The following RABEP1 variants were observed in gnomAD, a reference collection of about 807,000 sequenced individuals.
The protein encoded by RABEP1 is rabaptin, RAB GTPase binding effector protein 1.
Under a neutral mutation model 123.4 loss-of-function variants are expected in RABEP1, and 51 were observed. The ratio of observed to expected loss-of-function variants is 0.41; its 90% CI spans 0.33 to 0.52. The LOEUF (loss-of-function observed/expected upper bound fraction) is 0.52, where lower values mean the gene tolerates loss of function less well. Among genes scored for constraint, RABEP1 ranks in the 20% least tolerant of loss-of-function variants. The probability of loss-of-function intolerance (pLI) is 0.16; values close to 1 mark genes in which losing one functional copy is unlikely to be tolerated. For synonymous variants in RABEP1, 347 were observed against 355.2 expected, an observed-to-expected ratio of 0.98 and a Z score of 0.26; for missense variants, 888 against 996.3, an observed-to-expected ratio of 0.89 and a Z score of 1.46.
intron 1 of RABEP1, among the ~76,000 whole-genome samples, chr17:5,299,937 C>G (rs982229914): frequency 6.6e-6 from 1 of 151,588 alleles, no homozygotes; most frequent in Non-Finnish European, 1.5e-5. Context: ...ACCATGTGTG[C>G]CAGGATGCTC....
intron 2 of RABEP1, among the ~76,000 whole-genome samples, chr17:5,315,619 G>A (rs2075287534): frequency 6.6e-6 from 1 of 152,236 alleles, no homozygotes; most frequent in Admixed American, 6.5e-5. Context: ...GGGAGGCTGA[G>A]GCGGGTGGAT....
intron 8 of RABEP1, among the ~76,000 whole-genome samples, chr17:5,355,393 T>C (rs1908927564): frequency 6.6e-6 from 1 of 152,208 alleles, no homozygotes; most frequent in Admixed American, 6.5e-5. Flanking sequence ...AAGGAACTGC[T>C]TCTCTTATTG....
intron 1 of RABEP1, among the ~76,000 whole-genome samples, chr17:5,286,541 A>G (rs2074979879): frequency 6.6e-6 from 1 of 152,194 alleles, no homozygotes; most frequent in Non-Finnish European, 1.5e-5. Context: ...TTGTGTGCCT[A>G]TTCTATGCCG....
chr17:5,285,297 C>CTTTTTTTTTTT (rs1177991770), intron 1 of RABEP1, among the ~76,000 whole-genome samples: 2 of 139,730 alleles, frequency 1.4e-5, no homozygotes, highest in Non-Finnish European at 1.6e-5. Flanking sequence ...CACTTTTTTT[C>CTTTTTTTTTTT]TTTTTTTTTT....
chr17:5,373,793 C>G (rs1910744351), intron 13 of RABEP1, among the ~76,000 whole-genome samples: 1 of 151,920 alleles, frequency 6.6e-6, no homozygotes, highest in African/African-American at 2.4e-5. Flanking sequence ...CCTCCCCTAG[C>G]CTTAAGCAAC....
At chr17:5,329,818 C>CATATATATAT (rs61446536) in intron 2 of RABEP1, among the ~76,000 whole-genome samples, 2,913 of 142,910 alleles carry the variant, frequency 0.02, 48 homozygotes, top group Non-Finnish European at 0.032. Flanking sequence ...TATATATGTT[C>CATATATATAT]ATATATATAT....
chr17:5,296,680 T>C (rs1266378468), intron 1 of RABEP1, among the ~76,000 whole-genome samples: 4 of 152,230 alleles, frequency 2.6e-5, no homozygotes, highest in Admixed American at 2.6e-4. Flanking sequence ...AGAATTTATG[T>C]TCTCTTTCAA....
chr17:5,292,499 C>A (rs1261262669), intron 1 of RABEP1, among the ~76,000 whole-genome samples: 1 of 152,014 alleles, frequency 6.6e-6, no homozygotes, highest in Admixed American at 6.6e-5. Flanking sequence ...GCAGTTCTGC[C>A]TCGGCCTCCC....
At chr17:5,286,279 A>AG (rs1182191940) in intron 1 of RABEP1, among the ~76,000 whole-genome samples, 15 of 152,318 alleles carry the variant, frequency 9.8e-5, no homozygotes, top group Middle Eastern at 3.4e-3. Context: ...ATGGATCACA[A>AG]GGTCAGGCGT....
intron 1 of RABEP1, among the ~76,000 whole-genome samples, chr17:5,308,271 G>T (rs1365175899): frequency 6.6e-6 from 1 of 150,690 alleles, no homozygotes; most frequent in Non-Finnish European, 1.5e-5. Context: ...TGTCACCCAG[G>T]CTAGAGTGCA....
rs1216417822 is a variant in RABEP1 at position 5,335,368 on chromosome 17, T to G, written c.528+24T>G. ...AGGTATGAAGGAATGTGTTCATTTG[T>G]AGAAATATTTGAATTCAAATGCAAA... On this transcript the variant is annotated intron_variant, in intron 4 of 17. Transcript: ENST00000537505. 5 of 1,577,316 alleles carry G rather than the reference T, an allele frequency of 3.2e-6. No homozygotes were observed. The East Asian group carries it at 9.0e-5, about 28-fold the overall frequency.
intron 3 of RABEP1, among the ~76,000 whole-genome samples, chr17:5,334,532 A>G (rs11650938): frequency 0.31 from 47,359 of 151,742 alleles, 8,056 homozygotes; most frequent in African/African-American, 0.46. Flanking sequence ...ACACCCGGCA[A>G]TTTTTCTATC....
At chr17:5,314,520 GTT>G (rs369819159) in intron 2 of RABEP1, among the ~76,000 whole-genome samples, 4 of 114,308 alleles carry the variant, frequency 3.5e-5, no homozygotes, top group African/African-American at 3.3e-5. Context: ...ATTTCTGAAA[GTT>G]TTTTTTTTTT....
Position 5,385,018 on chromosome 17 carries a change from T to G in RABEP1, c.*1795T>G. 1 of 229,078 alleles carries G rather than the reference T, an allele frequency of 4.4e-6. No individual in the cohort carries two copies. Among genetic ancestry groups the G allele is most frequent in the East Asian group, 6.3e-5 (1 of 15,922 alleles). The allele number at this position is 229,078 out of a possible 1,614,324, so 14.2% of individuals were successfully genotyped here. A position where few individuals can be genotyped will look rare whatever the true frequency, so the allele number is the denominator to read the frequency against. On this transcript the variant is annotated 3_prime_UTR_variant, in exon 18 of 18. Transcript: ENST00000537505. ...TGAACTAGAGCTTGCAGTGAAGTGT[T>G]CTGCTGAGACTGAGCACCTTACAGA...
chr17:5,284,084 C>T (rs1358702972), intron 1 of RABEP1: 1 of 152,178 alleles, frequency 6.6e-6, no homozygotes, highest in Non-Finnish European at 1.5e-5. Context: ...GTATGCATAG[C>T]TGGCTGCTGC....
chr17:5,342,152 A>G (rs762281308), intron 5 of RABEP1, among the ~76,000 whole-genome samples: 2 of 152,188 alleles, frequency 1.3e-5, no homozygotes, highest in African/African-American at 2.4e-5. Context: ...TTGTTTTTCT[A>G]TGCCCCAGTG....
intron 2 of RABEP1, among the ~76,000 whole-genome samples, chr17:5,327,460 A>G (rs1906093617): frequency 2.0e-5 from 3 of 152,208 alleles, no homozygotes; most frequent in African/African-American, 7.2e-5. Context: ...ACTAGGCAGT[A>G]AGAATTTTTC....
intron 17 of RABEP1, among the ~76,000 whole-genome samples, chr17:5,382,921 T>A (rs969557635): frequency 1.4e-5 from 2 of 145,828 alleles, no homozygotes; most frequent in Admixed American, 1.3e-4. Context: ...TGAGCAAAAC[T>A]CTCCCCCCCA....
rs138680610 is a variant in RABEP1 at position 5,383,798 on chromosome 17, A to AAACTT, written c.*577_*581dup. The AAACTT allele has an allele frequency of 1.7e-3, 380 of 224,422 alleles. 1 individual carries two copies. Among genetic ancestry groups the AAACTT allele is most frequent in the Non-Finnish European group, 2.7e-3 (301 of 112,788 alleles). The allele number at this position is 224,422 out of a possible 1,614,324, so 13.9% of individuals were successfully genotyped here. A position where few individuals can be genotyped will look rare whatever the true frequency, so the allele number is the denominator to read the frequency against. ...CTTTGGAGGACCTTAAATGCTACTG[A>AAACTT]AACTTACCTGAGAACCATAGGACTG... On this transcript the variant is annotated 3_prime_UTR_variant, in exon 18 of 18. Coordinates refer to ENST00000537505, the MANE Select transcript of RABEP1 (RefSeq NM_004703.6).
Sources: allele counts gnomAD v4.1 joint callset (sites outside exome capture counted in the v4.1 genomes callset), GRCh38; gene constraint gnomAD v4.1.1; transcripts MANE v1.5; gene names NCBI Gene and HGNC (gene_info 2026-07-23, HGNC 2026-07-21).